Variants in ODAD2 observed in about 807,000 individuals in gnomAD.
The protein encoded by ODAD2 is outer dynein arm docking complex subunit 2, also known as outer dynein arm-docking complex subunit 2.
A neutral mutation model predicts 106.8 loss-of-function variants in ODAD2; 89 were observed. The ratio of observed to expected loss-of-function variants is 0.83; its 90% CI spans 0.70 to 0.99. The LOEUF is 0.99. ODAD2 is among the 50% of genes least tolerant of loss of function. The pLI, the probability that ODAD2 is intolerant of heterozygous loss-of-function variation, is 0.00. For synonymous variants in ODAD2, 404 were observed against 436.2 expected, an observed-to-expected ratio of 0.93 and a Z score of 0.92; for missense variants, 1,168 against 1,238.5, an observed-to-expected ratio of 0.94 and a Z score of 0.85.
chr10:27,859,675 G>C (rs1219377202), intron 19 of ODAD2, among the ~76,000 whole-genome samples: 3 of 152,104 alleles, frequency 2.0e-5, no homozygotes, highest in Non-Finnish European at 2.9e-5. Flanking sequence ...CTATAGAAAA[G>C]AACTAATATT....
intron 16 of ODAD2, among the ~76,000 whole-genome samples, chr10:27,914,108 A>G (rs143417335): frequency 6.6e-6 from 1 of 152,276 alleles, no homozygotes; most frequent in African/African-American, 2.4e-5. Flanking sequence ...TAGACTGGAT[A>G]AAGAAAATGT....
chr10:27,889,682 G>A lies in ODAD2; in HGVS notation c.2610+17981C>T. Among the ~76,000 whole-genome samples the A allele has an allele frequency of 1.3e-5, 2 of 152,168 alleles. 1 individual carries two copies. The highest frequency in any genetic ancestry group is 2.9e-5 in the Non-Finnish European group (2 of 68,034). Reference sequence around the variant, plus strand: ...CAGTTTCACACATGGACACTCCCATGGACTTCAAGTCTCCCAGCCCTGTGT... The same window carrying A: ...CAGTTTCACACATGGACACTCCCATAGACTTCAAGTCTCCCAGCCCTGTGT... On this transcript the variant is annotated intron_variant, in intron 17 of 19. Coordinates refer to ENST00000305242, the MANE Select transcript of ODAD2 (RefSeq NM_018076.5).
At chr10:27,920,106 G>A (rs1844666935) in intron 16 of ODAD2, among the ~76,000 whole-genome samples, 1 of 151,790 alleles carries the variant, frequency 6.6e-6, no homozygotes, top group African/African-American at 2.4e-5. Context: ...AAAAAAAAGA[G>A]ATATCCCCAG....
chr10:27,972,722 G>A lies in ODAD2; in HGVS notation c.937-1409C>T, dbSNP rs141703933. 2.1e-3 allele frequency among the ~76,000 whole-genome samples: 313 copies of A among 152,176 alleles called. 2 individuals are homozygous for A. Among genetic ancestry groups the A allele is most frequent in the African/African-American group, 7.1e-3 (296 of 41,526 alleles). ...ATAGAGGATCAATTAGCACACAATC[G>A]TAATTGTATATTCACCAAGCAACAG... On this transcript the variant is annotated intron_variant, in intron 7 of 19. Coordinates refer to ENST00000305242, the MANE Select transcript of ODAD2 (RefSeq NM_018076.5).
At chr10:27,870,452 C>T (rs570438510) in intron 17 of ODAD2, among the ~76,000 whole-genome samples, 2 of 151,932 alleles carry the variant, frequency 1.3e-5, no homozygotes, top group Admixed American at 1.3e-4. Context: ...TGTGCTGCAC[C>T]CATTAACTCG....
chr10:27,974,441 C>G (rs898551741), intron 7 of ODAD2, among the ~76,000 whole-genome samples: 1 of 152,200 alleles, frequency 6.6e-6, no homozygotes, highest in Non-Finnish European at 1.5e-5. Flanking sequence ...CAATCTTCTG[C>G]ATATGGCTAG....
chr10:27,835,483 C>G (rs1035648411), intron 19 of ODAD2, among the ~76,000 whole-genome samples: 1 of 152,132 alleles, frequency 6.6e-6, no homozygotes, highest in African/African-American at 2.4e-5. Flanking sequence ...TCTCTCTGTA[C>G]AGTTGATGTC....
chr10:27,935,393 T>C, intron 15 of ODAD2, 141 bp from the exon 16 acceptor site: 1 of 1,149,676 alleles, frequency 8.7e-7, no homozygotes, highest in Non-Finnish European at 1.2e-6. Context: ...ATCTGAAGCT[T>C]GGTAAATAGT....
At chr10:27,905,650 T>C (rs1183212363) in intron 17 of ODAD2, among the ~76,000 whole-genome samples, 1 of 152,168 alleles carries the variant, frequency 6.6e-6, no homozygotes, top group Non-Finnish European at 1.5e-5. Flanking sequence ...AACAGCATGG[T>C]ACTGGTACCA....
At chr10:27,885,919 T>C (rs1842186970) in intron 17 of ODAD2, among the ~76,000 whole-genome samples, 1 of 126,242 alleles carries the variant, frequency 7.9e-6, no homozygotes, top group Non-Finnish European at 1.6e-5. Context: ...ATATATATAT[T>C]TTTATATATA....
intron 17 of ODAD2, among the ~76,000 whole-genome samples, chr10:27,868,611 C>A (rs1840626695): frequency 6.6e-6 from 1 of 152,128 alleles, no homozygotes; most frequent in South Asian, 2.1e-4. Context: ...TGTTCTCACT[C>A]ATAAGTGGGA....
chr10:27,886,075 C>T (rs1391397705), intron 17 of ODAD2, among the ~76,000 whole-genome samples: 3 of 148,860 alleles, frequency 2.0e-5, no homozygotes, highest in Non-Finnish European at 4.5e-5. Flanking sequence ...AAACAACAAA[C>T]AAAAAGAATG....
At position 27,891,345 on chromosome 10, in the gene ODAD2, A is replaced by G. The variant is rs190569152; in HGVS notation, c.2610+16318T>C. Among the ~76,000 whole-genome samples the G allele has an allele frequency of 1.4e-3, 212 of 151,892 alleles. 2 individuals carry two copies. Among genetic ancestry groups the G allele is most frequent in the African/African-American group, 4.9e-3 (205 of 41,500 alleles). On this transcript the variant is annotated intron_variant, in intron 17 of 19. Coordinates refer to ENST00000305242, the MANE Select transcript of ODAD2 (RefSeq NM_018076.5). ...GCTTCTCAGTTTGGAGCAGAACTTT[A>G]GGTCACTGGTTTTCAAATTACTAGA...
At chr10:27,828,920 A>G (rs1189003308) in intron 19 of ODAD2, among the ~76,000 whole-genome samples, 2 of 152,202 alleles carry the variant, frequency 1.3e-5, no homozygotes, top group Non-Finnish European at 2.9e-5. Context: ...TAGAAAAAGT[A>G]TAAGTTCCTA....
intron 17 of ODAD2, among the ~76,000 whole-genome samples, chr10:27,865,508 G>A (rs1486191442): frequency 6.6e-6 from 1 of 152,114 alleles, no homozygotes; most frequent in Non-Finnish European, 1.5e-5. Flanking sequence ...CCTCAAGTCT[G>A]GGTTAAGTGG....
At chr10:27,936,497 A>C (rs1845981054) in intron 15 of ODAD2, among the ~76,000 whole-genome samples, 1 of 152,224 alleles carries the variant, frequency 6.6e-6, no homozygotes, top group South Asian at 2.1e-4. Flanking sequence ...AAATCATGTC[A>C]GCAAGCCTCT....
At chr10:27,916,760 T>C (rs1054934724) in intron 16 of ODAD2, among the ~76,000 whole-genome samples, 1 of 152,192 alleles carries the variant, frequency 6.6e-6, no homozygotes, top group Non-Finnish European at 1.5e-5. Flanking sequence ...ATGTGCTAAT[T>C]GTTTATGCTA....
chr10:27,905,957 G>C (rs556540636), intron 17 of ODAD2, among the ~76,000 whole-genome samples: 1 of 152,254 alleles, frequency 6.6e-6, no homozygotes, highest in South Asian at 2.1e-4. Flanking sequence ...ATAGGAATGG[G>C]CTAAGATTTC....
rs1308059533 is a variant in ODAD2 at position 27,935,025 on chromosome 10, T to C, written c.2480A>G (p.Glu827Gly). ...GGCCACTTACATCATACTTTCAGGTTCTACTGCACAAGCACCAACTGCTTT... is the reference window on the plus strand; with the variant it reads ...GGCCACTTACATCATACTTTCAGGTCCTACTGCACAAGCACCAACTGCTTT... ...VTKAVGACAV[E>G]PESMMIIDRL... Residue 827 changes from glutamate to glycine, a missense_variant, in exon 16 of 20, where the codon GAA becomes GGA. Transcript: ENST00000305242. The C allele has an allele frequency of 6.2e-7, 1 of 1,613,968 alleles. No individual in the cohort carries two copies. The highest frequency in any genetic ancestry group is 8.5e-7 in the Non-Finnish European group (1 of 1,179,846).
Sources: gnomAD v4.1 joint callset for allele counts (sites outside exome capture counted in the v4.1 genomes callset) on GRCh38, gnomAD v4.1.1 for gene constraint, MANE v1.5 for transcripts, NCBI Gene and HGNC (gene_info 2026-07-23, HGNC 2026-07-21) for gene names.